The following LSM14A variants were observed in gnomAD, a reference collection of about 807,000 sequenced individuals.
LSM14A encodes the protein LSM14A mRNA processing body assembly factor.
LSM14A carries 14 observed loss-of-function variants against 52.4 expected under a neutral mutation model. The observed-to-expected ratio is 0.27, with a 90% CI of 0.18 to 0.42. The LOEUF is 0.42. Among genes scored for constraint, LSM14A ranks in the 10% least tolerant of loss-of-function variants. The pLI is 1.00. For synonymous variants in LSM14A, 185 were observed against 200.3 expected, an observed-to-expected ratio of 0.92 and a Z score of 0.64; for missense variants, 417 against 581.8, an observed-to-expected ratio of 0.72 and a Z score of 2.91.
chr19:34,182,697 A>AG (rs2069573952), intron 1 of LSM14A, among the ~76,000 whole-genome samples: 1 of 149,116 alleles, frequency 6.7e-6, no homozygotes, highest in South Asian at 2.1e-4. Context: ...AAAAAAAAAA[A>AG]GCCAAGTGTG....
At position 34,215,687 on chromosome 19, in the gene LSM14A, A is replaced by G. The variant is rs371439260; in HGVS notation, c.781+26A>G. The G allele has an allele frequency of 4.5e-5, 66 of 1,466,954 alleles. No individual in the cohort carries two copies. The African/African-American group carries it at 7.0e-4, about 16-fold the overall frequency. 90.9% of individuals were successfully genotyped at this position (1,466,954 alleles called of 1,614,324 possible). A position where few individuals can be genotyped will look rare whatever the true frequency, so the allele number is the denominator to read the frequency against. On this transcript the variant is annotated intron_variant, in intron 6 of 9. Coordinates refer to ENST00000544216, the MANE Select transcript of LSM14A (RefSeq NM_015578.4). Reference sequence around the variant, plus strand: ...GTAAGTTCTTGGATCTAAAAGTCATATTCTATGCTTCTCAACAGGGAGAAT... The same window carrying G: ...GTAAGTTCTTGGATCTAAAAGTCATGTTCTATGCTTCTCAACAGGGAGAAT...
chr19:34,192,310 C>CTTTTTTTTTTTTTTTTTT (rs1568479681), intron 1 of LSM14A, among the ~76,000 whole-genome samples: 3 of 51,668 alleles, frequency 5.8e-5, no homozygotes, highest in Non-Finnish European at 1.2e-4. Context: ...AAATAACATT[C>CTTTTTTTTTTTTTTTTTT]TTTTTGTTGT....
At chr19:34,193,235 C>T (rs1222571886) in intron 1 of LSM14A, among the ~76,000 whole-genome samples, 2 of 152,238 alleles carry the variant, frequency 1.3e-5, no homozygotes, top group Non-Finnish European at 2.9e-5. Context: ...TCAGTACAGC[C>T]TCAATCTCCC....
At chr19:34,205,834 G>A (rs576522773) in intron 3 of LSM14A, among the ~76,000 whole-genome samples, 259 of 152,216 alleles carry the variant, frequency 1.7e-3, no homozygotes, top group African/African-American at 5.9e-3. Flanking sequence ...TCAAGAGTTT[G>A]TTTTGGGTGG....
rs760732409 is a variant in LSM14A, at chr19:34,221,674, G to A, written c.1304G>A (p.Arg435Gln). The A allele has an allele frequency of 1.6e-5, 26 of 1,614,026 alleles. No individual in the cohort carries two copies. The highest frequency in any genetic ancestry group is 3.3e-4 in the Middle Eastern group (2 of 6,084). Residue 435 changes from arginine (R) to glutamine (Q), a missense_variant, in exon 9 of 10, where the codon CGA becomes CAA. By Grantham distance (43) the Arg-to-Gln change is conservative (BLOSUM62 1). This residue lies in a region of LSM14A where 357 missense variants were observed against 457.0 expected (regional missense o/e 0.78). Transcript: ENST00000544216. Reference sequence around the variant, plus strand: ...AGAGGTGGTACCTTCACTGCCCCTCGAGGATTTCGCGGTGGATTCAGAGGA... The same window carrying A: ...AGAGGTGGTACCTTCACTGCCCCTCAAGGATTTCGCGGTGGATTCAGAGGA... The part of the protein sequence containing the change: ...GGRGGTFTAP[R>Q]GFRGGFRGGR...
At chr19:34,210,160 A>G (rs1397645386) in intron 4 of LSM14A, among the ~76,000 whole-genome samples, 1 of 152,230 alleles carries the variant, frequency 6.6e-6, no homozygotes, top group African/African-American at 2.4e-5. Context: ...ACAGTATTTT[A>G]AAAAGCTATT....
chr19:34,174,508 T>A (rs1036585569), intron 1 of LSM14A, among the ~76,000 whole-genome samples: 2 of 152,228 alleles, frequency 1.3e-5, no homozygotes, highest in Admixed American at 1.3e-4. Context: ...AGTGACACAT[T>A]ACCTCATTAA....
At chr19:34,205,487 C>CAAAA (rs140536208) in intron 3 of LSM14A, among the ~76,000 whole-genome samples, 79 of 95,170 alleles carry the variant, frequency 8.3e-4, no homozygotes, top group East Asian at 2.1e-3. Flanking sequence ...CTCCATCTCA[C>CAAAA]AAAAAAAAAA....
At chr19:34,198,031 C>T (rs1448126500) in intron 3 of LSM14A, among the ~76,000 whole-genome samples, 5 of 149,174 alleles carry the variant, frequency 3.4e-5, no homozygotes, top group Non-Finnish European at 5.9e-5. Flanking sequence ...AAAAAAAAAT[C>T]GCTTCTCAGC....
rs1463164274 is a variant in LSM14A at position 34,228,501 on chromosome 19, A to G, written c.*1113A>G. ...CCTTGACTCATTCCATCATATTTCAAGAGGATTCAGAGTGCTAGAAATTAT... is the reference window on the plus strand; with the variant it reads ...CCTTGACTCATTCCATCATATTTCAGGAGGATTCAGAGTGCTAGAAATTAT... On this transcript the variant is annotated 3_prime_UTR_variant, in exon 10 of 10. Transcript: ENST00000544216. The G allele has an allele frequency of 6.6e-6, 1 of 152,626 alleles. No homozygotes were observed. Among genetic ancestry groups the G allele is most frequent in the Admixed American group, 6.5e-5 (1 of 15,268 alleles). 9.5% of individuals were successfully genotyped at this position (152,626 alleles called of 1,614,324 possible).
chr19:34,221,825 AT>A (rs2073085741), intron 9 of LSM14A, 87 bp downstream of exon 9: 3 of 1,496,292 alleles, frequency 2.0e-6, no homozygotes, highest in South Asian at 1.3e-5. Flanking sequence ...TTTTGGGTGA[AT>A]TGTTTTGAGG....
chr19:34,206,184 A>G (rs951235949), intron 3 of LSM14A, among the ~76,000 whole-genome samples: 2 of 152,228 alleles, frequency 1.3e-5, no homozygotes, highest in Non-Finnish European at 2.9e-5. Context: ...CATTTAGGGA[A>G]GAAATAATTT....
intron 1 of LSM14A, among the ~76,000 whole-genome samples, chr19:34,180,430 A>G (rs868806767): frequency 5.3e-5 from 8 of 152,130 alleles, no homozygotes; most frequent in Non-Finnish European, 2.9e-5. Flanking sequence ...TTCAATAGGG[A>G]TGGATAATAA....
intron 9 of LSM14A, among the ~76,000 whole-genome samples, chr19:34,224,076 C>T (rs1244727142): frequency 6.6e-6 from 1 of 152,158 alleles, no homozygotes; most frequent in East Asian, 1.9e-4. Context: ...CACCTATAAT[C>T]CCAGCACTTT....
intron 3 of LSM14A, among the ~76,000 whole-genome samples, chr19:34,201,961 A>G (rs2071322264): frequency 6.6e-6 from 1 of 152,004 alleles, no homozygotes; most frequent in Non-Finnish European, 1.5e-5. Flanking sequence ...AGCTGGGACT[A>G]CAGGCATGTG....
chr19:34,201,620 C>T (rs968018132), intron 3 of LSM14A, among the ~76,000 whole-genome samples: 1 of 152,148 alleles, frequency 6.6e-6, no homozygotes, highest in African/African-American at 2.4e-5. Context: ...GGATTACAGG[C>T]GTGAGCCACC....
At chr19:34,177,813 T>A (rs2069185203) in intron 1 of LSM14A, among the ~76,000 whole-genome samples, 1 of 152,130 alleles carries the variant, frequency 6.6e-6, no homozygotes, top group African/African-American at 2.4e-5. Context: ...GGGGGATTGC[T>A]TGAGCCCAAG....
chr19:34,182,295 A>G (rs867185927), intron 1 of LSM14A, among the ~76,000 whole-genome samples: 4 of 152,174 alleles, frequency 2.6e-5, no homozygotes, highest in Non-Finnish European at 5.9e-5. Context: ...TTGGTTGGCT[A>G]TGTATTTCCA....
At chr19:34,212,836 C>G (rs575200396) in intron 4 of LSM14A, among the ~76,000 whole-genome samples, 1 of 152,260 alleles carries the variant, frequency 6.6e-6, no homozygotes, top group East Asian at 1.9e-4. Flanking sequence ...TGTACTTGCT[C>G]CGATTGCCCC....
Sources: allele counts gnomAD v4.1 joint callset (sites outside exome capture counted in the v4.1 genomes callset), GRCh38; gene constraint gnomAD v4.1.1; regional missense constraint gnomAD v4.1.1; transcripts MANE v1.5; gene names NCBI Gene and HGNC (gene_info 2026-07-23, HGNC 2026-07-21).